Variants in PCCA observed in about 807,000 individuals in gnomAD.
PCCA encodes propionyl-CoA carboxylase subunit alpha.
Under a neutral mutation model 101.3 loss-of-function variants are expected in PCCA, and 74 were observed. That is an observed-to-expected ratio of 0.73 (90% CI 0.61 to 0.89). The LOEUF (loss-of-function observed/expected upper bound fraction) is 0.89, where lower values mean the gene tolerates loss of function less well. Ranked by LOEUF, PCCA falls within the 40% of genes least tolerant of loss-of-function variation. The probability of loss-of-function intolerance (pLI) is 0.00; values close to 1 mark genes in which losing one functional copy is unlikely to be tolerated. For missense variants in PCCA, 891 were observed against 907.0 expected (o/e 0.98, Z 0.23); for synonymous variants, 294 against 313.6 (o/e 0.94, Z 0.66).
At chr13:100,201,822 A>C (rs927551177) in intron 6 of PCCA, among the ~76,000 whole-genome samples, 1 of 127,608 alleles carries the variant, frequency 7.8e-6, no homozygotes, top group Non-Finnish European at 1.6e-5. Context: ...GCACCATTGC[A>C]CTCCAGCCTG....
At chr13:100,339,842 T>C (rs2071037061) in intron 17 of PCCA, among the ~76,000 whole-genome samples, 1 of 152,186 alleles carries the variant, frequency 6.6e-6, no homozygotes, top group South Asian at 2.1e-4. Flanking sequence ...GTGAGGAGCT[T>C]ATGCTTTTCC....
chr13:100,469,009 C>T (rs1035261028), intron 21 of PCCA, among the ~76,000 whole-genome samples: 2 of 151,302 alleles, frequency 1.3e-5, no homozygotes, highest in Non-Finnish European at 3.0e-5. Flanking sequence ...GTCGGGAGTT[C>T]GAGAGCAGCC....
intron 19 of PCCA, among the ~76,000 whole-genome samples, chr13:100,399,532 C>A (rs1466356789): frequency 6.6e-6 from 1 of 152,154 alleles, no homozygotes; most frequent in Non-Finnish European, 1.5e-5. Flanking sequence ...ACCTTCTAAC[C>A]ATCACTCATT....
chr13:100,289,277 AT>A lies in PCCA; in HGVS notation c.1066-12181del, dbSNP rs551918976. Among the ~76,000 whole-genome samples the A allele has an allele frequency of 2.0e-4, 30 of 151,932 alleles. No individual in the cohort carries two copies. The South Asian group carries it at 5.8e-3, about 29-fold the overall frequency. On this transcript the variant is annotated intron_variant, in intron 12 of 23. Transcript: ENST00000376285. ...GGTCCTTTATTTTAAAGCCTTCTTT[AT>A]TAGTTGTTTTGTTTTTTTAGTTTAG... is the stretch of plus-strand genomic sequence containing the variant.
chr13:100,430,586 T>C (rs886452993), intron 20 of PCCA, among the ~76,000 whole-genome samples: 1 of 152,198 alleles, frequency 6.6e-6, no homozygotes, highest in Non-Finnish European at 1.5e-5. Flanking sequence ...TCTACTTCCA[T>C]ACATCATATT....
At chr13:100,230,493 C>T (rs2060403040) in intron 7 of PCCA, among the ~76,000 whole-genome samples, 1 of 149,880 alleles carries the variant, frequency 6.7e-6, no homozygotes, top group South Asian at 2.1e-4. Context: ...TGCAGTGAGC[C>T]GAGGTCGTGC....
At chr13:100,293,965 C>G (rs560640763) in intron 12 of PCCA, among the ~76,000 whole-genome samples, 1 of 152,100 alleles carries the variant, frequency 6.6e-6, no homozygotes, top group Non-Finnish European at 1.5e-5. Flanking sequence ...TAAAACTGGT[C>G]TTTGTATTAG....
chr13:100,214,344 TGAATGTA>T (rs1566722685), intron 7 of PCCA, among the ~76,000 whole-genome samples: 1 of 152,090 alleles, frequency 6.6e-6, no homozygotes, highest in African/African-American at 2.4e-5. Flanking sequence ...TTCCAACCCA[TGAATGTA>T]GAATCTCTTT....
intron 19 of PCCA, among the ~76,000 whole-genome samples, chr13:100,416,512 C>CTCTG (rs2078372345): frequency 6.9e-6 from 1 of 145,488 alleles, no homozygotes; most frequent in East Asian, 2.1e-4. Context: ...TTTTAAATAT[C>CTCTG]TGTGTGTGTG....
At chr13:100,440,461 GT>G (rs941799749) in intron 20 of PCCA, among the ~76,000 whole-genome samples, 8 of 150,668 alleles carry the variant, frequency 5.3e-5, no homozygotes, top group Admixed American at 2.0e-4. Context: ...TTTCTTTTCA[GT>G]TTTTTTTAGA....
chr13:100,258,742 A>T (rs941690798), intron 9 of PCCA, among the ~76,000 whole-genome samples: 1 of 152,214 alleles, frequency 6.6e-6, no homozygotes, highest in Non-Finnish European at 1.5e-5. Context: ...CACTATATCC[A>T]TTCATATATT....
At chr13:100,201,171 T>A (rs1321265739) in intron 6 of PCCA, among the ~76,000 whole-genome samples, 3 of 152,166 alleles carry the variant, frequency 2.0e-5, no homozygotes, top group Non-Finnish European at 4.4e-5. Flanking sequence ...TGTCAGAAAA[T>A]GTGGCTGTTA....
In PCCA at chr13:100,337,480, C is replaced by T. The variant is rs562395054; in HGVS notation, c.1541-2677C>T. Among the ~76,000 whole-genome samples the T allele has an allele frequency of 2.6e-5, 4 of 152,270 alleles. No individual in the cohort carries two copies. In the South Asian group the frequency reaches 8.3e-4, roughly 32 times the overall value. ...TTGCAGAAGTCAAGTCCACTCTGGC[C>T]TGTGATCAGGAGTAGCATTATGCTA... On this transcript the variant is annotated intron_variant, in intron 17 of 23. Coordinates refer to ENST00000376285, the MANE Select transcript of PCCA (RefSeq NM_000282.4).
At chr13:100,139,415 T>C (rs1229268870) in intron 4 of PCCA, among the ~76,000 whole-genome samples, 4 of 152,078 alleles carry the variant, frequency 2.6e-5, no homozygotes, top group Non-Finnish European at 5.9e-5. Context: ...GTTAATTTTT[T>C]CTACTCTTTT....
At position 100,292,404 on chromosome 13, in the gene PCCA, A is replaced by G. The variant is rs539964764; in HGVS notation, c.1066-9056A>G. 2.0e-5 allele frequency among the ~76,000 whole-genome samples: 3 copies of G among 152,320 alleles called. No homozygotes were observed. In the South Asian group the frequency reaches 6.2e-4, roughly 32 times the overall value. Reference sequence around the variant, plus strand: ...TATGTTTTGATTTCCTCATTAGTAAAATGACATTAATTATAGCATTTGCTG... The same window carrying G: ...TATGTTTTGATTTCCTCATTAGTAAGATGACATTAATTATAGCATTTGCTG... On this transcript the variant is annotated intron_variant, in intron 12 of 23. Coordinates refer to ENST00000376285, the MANE Select transcript of PCCA (RefSeq NM_000282.4).
chr13:100,240,948 C>T (rs2061092632), intron 8 of PCCA, among the ~76,000 whole-genome samples: 2 of 150,542 alleles, frequency 1.3e-5, no homozygotes, highest in Non-Finnish European at 1.5e-5. Context: ...ATATATATAA[C>T]TTAGAATCCC....
At chr13:100,348,787 T>TTCCTTCCTTCCTTC (rs2072771494) in intron 18 of PCCA, among the ~76,000 whole-genome samples, 81 of 46,598 alleles carry the variant, frequency 1.7e-3, no homozygotes, top group Non-Finnish European at 2.6e-3. Context: ...TTTCTTTCTT[T>TTCCTTCCTTCCTTC]CTTCCTTCCT....
At chr13:100,342,184 A>G (rs2071472599) in intron 18 of PCCA, among the ~76,000 whole-genome samples, 1 of 151,848 alleles carries the variant, frequency 6.6e-6, no homozygotes, top group African/African-American at 2.4e-5. Context: ...TTTTACCTCT[A>G]CCCACTCCAC....
At chr13:100,506,985 C>A (rs549550092) in intron 21 of PCCA, among the ~76,000 whole-genome samples, 32 of 152,194 alleles carry the variant, frequency 2.1e-4, no homozygotes, top group African/African-American at 7.5e-4. Context: ...TTACCAAATA[C>A]CTTATAAATT....
Sources: allele counts gnomAD v4.1 joint callset (sites outside exome capture counted in the v4.1 genomes callset), GRCh38; gene constraint gnomAD v4.1.1; transcripts MANE v1.5; gene names NCBI Gene and HGNC (gene_info 2026-07-23, HGNC 2026-07-21).